Variants in BNC2 observed in about 807,000 individuals in gnomAD.
BNC2 encodes zinc finger protein basonuclin-2.
A neutral mutation model predicts 76.3 loss-of-function variants in BNC2; 20 were observed. The ratio of observed to expected loss-of-function variants is 0.26; its 90% CI spans 0.18 to 0.38. BNC2 has a LOEUF of 0.38. BNC2 is among the 10% of genes least tolerant of loss of function. The pLI is 1.00. For synonymous variants in BNC2, 582 were observed against 514.8 expected, an observed-to-expected ratio of 1.13 and a Z score of -1.77; for missense variants, 1,382 against 1,399.8, an observed-to-expected ratio of 0.99 and a Z score of 0.20.
chr9:16,579,833 A>C, intron 4 of BNC2: 1 of 325,598 alleles, frequency 3.1e-6, no homozygotes, highest in Non-Finnish European at 5.5e-6. Flanking sequence ...GAGGTCAACA[A>C]ATTTCTAAAA....
At chr9:16,691,124 G>A (rs560816736) in intron 3 of BNC2, among the ~76,000 whole-genome samples, 6 of 152,198 alleles carry the variant, frequency 3.9e-5, no homozygotes, top group Admixed American at 6.5e-5. Flanking sequence ...GACACCCTGA[G>A]GAGCCTAATG....
At chr9:16,458,884 T>C (rs909160687) in intron 5 of BNC2, among the ~76,000 whole-genome samples, 17 of 152,174 alleles carry the variant, frequency 1.1e-4, no homozygotes, top group African/African-American at 3.9e-4. Context: ...TCAGCTCAAG[T>C]CCAGCACGAG....
At chr9:16,726,904 G>C (rs1332183983) in intron 3 of BNC2, 1 of 152,346 alleles carries the variant, frequency 6.6e-6, no homozygotes. Context: ...CAAGGAGCCA[G>C]CAATTGTGCA....
chr9:16,489,080 T>C (rs1487278452), intron 5 of BNC2, among the ~76,000 whole-genome samples: 2 of 152,220 alleles, frequency 1.3e-5, no homozygotes, highest in African/African-American at 4.8e-5. Flanking sequence ...ATTTTAAGCT[T>C]CTAAGTAACA....
At chr9:16,745,541 G>A (rs1824975716) in intron 1 of BNC2, among the ~76,000 whole-genome samples, 1 of 152,120 alleles carries the variant, frequency 6.6e-6, no homozygotes, top group Non-Finnish European at 1.5e-5. Context: ...TACCCTACCA[G>A]GTTCTCGCAA....
intron 3 of BNC2, among the ~76,000 whole-genome samples, chr9:16,674,689 G>A (rs936018580): frequency 5.3e-5 from 8 of 152,084 alleles, no homozygotes; most frequent in Non-Finnish European, 8.8e-5. Flanking sequence ...AGAGGGCAAC[G>A]ACCCTATCTA....
intron 3 of BNC2, among the ~76,000 whole-genome samples, chr9:16,621,055 C>T (rs577399174): frequency 4.9e-4 from 75 of 152,314 alleles, no homozygotes; most frequent in Non-Finnish European, 9.8e-4. Flanking sequence ...TCAAATTGAG[C>T]CTGGTGACAG....
rs1393308111 is a variant in BNC2 at position 16,436,185 on chromosome 9, A to G, written c.2009T>C (p.Met670Thr). The change falls in exon 6 of 7, where the codon ATG becomes ACG. Residue 670 changes from methionine (M) to threonine (T), a missense_variant. Around this residue, in one of 3 missense-constraint regions of BNC2, gnomAD observed 798 missense variants for 775.5 expected, o/e 1.03. Transcript: ENST00000380672. ...GGAGTGACAATGATTGTCATGGCTC[A>G]TGTCATTGACCACAGCTCCACCATC... is the stretch of plus-strand genomic sequence containing the variant. The part of the protein sequence containing the change: ...PNDGGAVVND[M>T]SHDNHCHSQE... 2 of 1,614,154 alleles carry G rather than the reference A, an allele frequency of 1.2e-6. No homozygotes were observed. The highest frequency in any genetic ancestry group is 2.2e-5 in the South Asian group (2 of 91,084).
At chr9:16,708,948 T>A (rs973557149) in intron 3 of BNC2, among the ~76,000 whole-genome samples, 4 of 152,114 alleles carry the variant, frequency 2.6e-5, no homozygotes, top group Non-Finnish European at 5.9e-5. Flanking sequence ...TAAGAGGGAA[T>A]AATGTGTTAA....
At chr9:16,789,056 C>T (rs1406584700) in intron 1 of BNC2, among the ~76,000 whole-genome samples, 2 of 152,146 alleles carry the variant, frequency 1.3e-5, no homozygotes, top group African/African-American at 4.8e-5. Context: ...TGCTTAAAAC[C>T]CAAAGGTTCT....
chr9:16,833,561 T>C (rs997964942), intron 1 of BNC2, among the ~76,000 whole-genome samples: 9 of 152,170 alleles, frequency 5.9e-5, no homozygotes, highest in Admixed American at 1.3e-4. Context: ...CAATTTTTTT[T>C]TCTCTCTGAT....
chr9:16,431,310 TC>T, intron 6 of BNC2: 1 of 257,720 alleles, frequency 3.9e-6, no homozygotes, highest in Non-Finnish European at 8.7e-6. Context: ...TAAATAGGCT[TC>T]CCTTCAAAAT....
chr9:16,789,927 C>G (rs2135643350), intron 1 of BNC2, among the ~76,000 whole-genome samples: 1 of 152,250 alleles, frequency 6.6e-6, no homozygotes, highest in South Asian at 2.1e-4. Flanking sequence ...CTACTTGGCT[C>G]AATAAATACA....
At chr9:16,541,436 A>G (rs1818317675) in intron 5 of BNC2, among the ~76,000 whole-genome samples, 1 of 152,158 alleles carries the variant, frequency 6.6e-6, no homozygotes, top group Admixed American at 6.5e-5. Context: ...TGCAAGACAG[A>G]CATTCCCTCA....
intron 6 of BNC2, chr9:16,435,091 T>C (rs1481833044): frequency 2.1e-6 from 1 of 471,416 alleles, no homozygotes; most frequent in Non-Finnish European, 4.4e-6. Flanking sequence ...CATCCGTAAA[T>C]TTCTGTTTCT....
chr9:16,583,244 T>C (rs1041546812), intron 3 of BNC2, among the ~76,000 whole-genome samples, 159 bp from the exon 4 acceptor site: 9 of 152,178 alleles, frequency 5.9e-5, no homozygotes, highest in African/African-American at 1.7e-4. Flanking sequence ...CCAAAATCTC[T>C]TATTAAAAAA....
At position 16,414,768 on chromosome 9, in the gene BNC2, C is replaced by T. The variant is rs533435889; in HGVS notation, c.*4221G>A. ...ACTAGCTTCTTTATGCTTTAATTGT[C>T]AACGGCCCTCATTCTCATTTGCTTG... On this transcript the variant is annotated 3_prime_UTR_variant, in exon 7 of 7. Transcript: ENST00000380672. 4 of 152,268 alleles carry T rather than the reference C, an allele frequency of 2.6e-5. No homozygotes were observed. The East Asian group carries it at 7.7e-4, about 29-fold the overall frequency. The allele number at this position is 152,268 out of a possible 1,614,324, so 9.4% of individuals were successfully genotyped here.
intron 5 of BNC2, among the ~76,000 whole-genome samples, chr9:16,522,266 A>G (rs973227479): frequency 6.6e-6 from 1 of 152,214 alleles, no homozygotes; most frequent in Non-Finnish European, 1.5e-5. Flanking sequence ...ATAATGTTCT[A>G]CAAGGACAAA....
intron 4 of BNC2, among the ~76,000 whole-genome samples, chr9:16,571,217 C>CT (rs954464179): frequency 1.3e-5 from 2 of 152,042 alleles, no homozygotes; most frequent in South Asian, 2.1e-4. Flanking sequence ...TTCTTAATAG[C>CT]TTTTTTTAAT....
Sources: gnomAD v4.1 joint callset for allele counts (sites outside exome capture counted in the v4.1 genomes callset) on GRCh38, gnomAD v4.1.1 for gene constraint, gnomAD v4.1.1 regional missense constraint, MANE v1.5 for transcripts, NCBI Gene and HGNC (gene_info 2026-07-23, HGNC 2026-07-21) for gene names.